SI: variants seen among roughly 807,000 people sequenced by gnomAD.
The protein encoded by SI is sucrase-isomaltase.
A neutral mutation model predicts 253.3 loss-of-function variants in SI; 235 were observed. That is an observed-to-expected ratio of 0.93 (90% CI 0.83 to 1.03). The LOEUF is 1.03. Ranked by LOEUF, SI falls within the 50% of genes least tolerant of loss-of-function variation. The pLI is 0.00. For missense variants in SI, 2,442 were observed against 2,211.1 expected (o/e 1.10, Z -2.09); for synonymous variants, 819 against 712.0 (o/e 1.15, Z -2.39).
At chr3:165,013,083 T>G in intron 33 of SI, 41 bp from the exon 34 acceptor site, 1 of 1,253,972 alleles carries the variant, frequency 8.0e-7, no homozygotes. Flanking sequence ...CAAAACATAG[T>G]CAGCATGATA....
At chr3:165,080,156 C>T (rs984490667), upstream of SI, among the ~76,000 whole-genome samples, 1 of 151,954 alleles carries the variant, frequency 6.6e-6, no homozygotes, top group Non-Finnish European at 1.5e-5. Flanking sequence ...ATTTATGCAA[C>T]AACATTGATA....
rs111665469 is a variant in SI at position 165,039,267 on chromosome 3, A to C, written c.2245-133T>G. On this transcript the variant is annotated intron_variant, in intron 19 of 47. Coordinates refer to ENST00000264382, the MANE Select transcript of SI (RefSeq NM_001041.4). ...TACACTCCAATATTTCCTATAGATA[A>C]TAATCAAAGGGCTATTTTATTAGCT... 253 of 630,646 alleles carry C rather than the reference A, an allele frequency of 4.0e-4. No individual in the cohort carries two copies. In the African/African-American group the frequency reaches 4.3e-3, roughly 11 times the overall value. 39.1% of individuals were successfully genotyped at this position (630,646 alleles called of 1,614,324 possible). A position where few individuals can be genotyped will look rare whatever the true frequency, so the allele number is the denominator to read the frequency against.
chr3:165,061,844 C>T (rs1451190831), intron 9 of SI, among the ~76,000 whole-genome samples: 2 of 151,922 alleles, frequency 1.3e-5, no homozygotes, highest in African/African-American at 4.8e-5. Context: ...TAGATAGTAA[C>T]TGGAGATGTA....
chr3:165,024,734 C>G (rs1478699945), intron 25 of SI, among the ~76,000 whole-genome samples: 1 of 151,112 alleles, frequency 6.6e-6, no homozygotes, highest in Non-Finnish European at 1.5e-5. Context: ...TTATTTTTCT[C>G]ATTTTTTTAG....
chr3:165,080,502 C>A (rs959069639), upstream of SI, among the ~76,000 whole-genome samples: 8 of 151,942 alleles, frequency 5.3e-5, no homozygotes, highest in Non-Finnish European at 1.2e-4. Flanking sequence ...GGAACCAACC[C>A]AAATGTCCAT....
Position 165,059,193 on chromosome 3 carries a change from T to C in SI, c.1253A>G (p.His418Arg). The C allele has an allele frequency of 6.2e-7, 1 of 1,612,774 alleles. No individual in the cohort carries two copies. Among genetic ancestry groups the C allele is most frequent in the East Asian group, 2.2e-5 (1 of 44,714 alleles). ...LPQFVQDLHD[H>R]GQKYVIILDP... ...CAAGATGATGACATATTTCTGTCCA[T>C]GGTCATGCAAATCTTGCACAAATTG... The change falls in exon 11 of 48, where the codon CAT becomes CGT. Residue 418 changes from histidine (H) to arginine (R), a missense_variant. Transcript: ENST00000264382.
Position 164,998,688 on chromosome 3 carries a change from A to C in SI, c.4407-15T>G, listed in dbSNP as rs769801101. ...TCTGCAATGCACTAATATAGTAGAG[A>C]AGTATTTTTGAGTTTTTACATGAGA... On this transcript the variant is annotated splice_polypyrimidine_tract_variant and intron_variant, in intron 37 of 47. Transcript: ENST00000264382. The C allele has an allele frequency of 1.9e-6, 3 of 1,607,300 alleles. No individual in the cohort carries two copies. In the African/African-American group the frequency reaches 4.0e-5, roughly 21 times the overall value.
intron 24 of SI, among the ~76,000 whole-genome samples, chr3:165,031,635 T>A (rs2108204262): frequency 6.7e-6 from 1 of 150,090 alleles, no homozygotes; most frequent in Admixed American, 6.7e-5. Flanking sequence ...GGGCCAGAGG[T>A]CTTATGAGTT....
chr3:165,029,331 G>A (rs965784164), intron 25 of SI, among the ~76,000 whole-genome samples: 4 of 150,682 alleles, frequency 2.7e-5, no homozygotes, highest in Admixed American at 1.3e-4. Flanking sequence ...CACTGATAGT[G>A]GGAATGTAAA....
intron 32 of SI, 115 bp from the exon 33 acceptor site, chr3:165,015,348 A>T (rs2108171220): frequency 1.4e-6 from 1 of 736,204 alleles, no homozygotes; most frequent in South Asian, 1.5e-5. Flanking sequence ...GTGCTCTCAC[A>T]TTAAATGACA....
At chr3:164,996,322 T>G (rs1718005647) in intron 40 of SI, among the ~76,000 whole-genome samples, 1 of 151,814 alleles carries the variant, frequency 6.6e-6, no homozygotes, top group African/African-American at 2.4e-5. Context: ...AGTGCTTATT[T>G]AGATATTGGC....
In SI at chr3:164,995,325, A is replaced by G. The variant is rs759454755; in HGVS notation, c.4693-920T>C. On this transcript the variant is annotated intron_variant, in intron 40 of 47. Coordinates refer to ENST00000264382, the MANE Select transcript of SI (RefSeq NM_001041.4). ...GAACTGTTAAGCTGTATGTAATCCTATTGCTGGTATTTCCAAAGTTAAATA... is the reference window on the plus strand; with the variant it reads ...GAACTGTTAAGCTGTATGTAATCCTGTTGCTGGTATTTCCAAAGTTAAATA... Among the ~76,000 whole-genome samples, 7 of 151,716 alleles carry G rather than the reference A, an allele frequency of 4.6e-5. No individual in the cohort carries two copies. The East Asian group carries it at 5.8e-4, about 13-fold the overall frequency.
At chr3:165,031,400 A>G (rs1712236330) in intron 24 of SI, among the ~76,000 whole-genome samples, 1 of 148,428 alleles carries the variant, frequency 6.7e-6, no homozygotes, top group Non-Finnish European at 1.5e-5. Flanking sequence ...ACATACAAAT[A>G]GCCACAGATA....
At chr3:164,992,525 A>C in intron 41 of SI, 128 bp from the exon 42 acceptor site, 1 of 662,954 alleles carries the variant, frequency 1.5e-6, no homozygotes, top group Admixed American at 2.9e-5. Flanking sequence ...AAAACTGTAA[A>C]AAAATTAAAA....
At chr3:164,989,352 AGAAGAAAGAAAGAAAGAAAG>A (rs1261732927) in intron 44 of SI, among the ~76,000 whole-genome samples, 287 of 143,316 alleles carry the variant, frequency 2.0e-3, no homozygotes, top group African/African-American at 7.3e-3. Context: ...AAAGAGAGAA[AGAAGAAAGAAAGAAAGAAAG>A]GAAGAAAGAA....
chr3:165,023,090 G>A (rs1328257888), intron 26 of SI, among the ~76,000 whole-genome samples: 1 of 151,416 alleles, frequency 6.6e-6, no homozygotes, highest in Non-Finnish European at 1.5e-5. Flanking sequence ...TTTACATCTA[G>A]TTATTTTGTT....
chr3:165,031,395 C>G (rs1466011984), intron 24 of SI, among the ~76,000 whole-genome samples: 2 of 147,818 alleles, frequency 1.4e-5, no homozygotes, highest in African/African-American at 4.9e-5. Flanking sequence ...AGTGGACATA[C>G]AAATAGCCAC....
Position 165,059,235 on chromosome 3 carries a change from G to A in SI, c.1211C>T (p.Ala404Val), listed in dbSNP as rs202151060. ...DKKDFTYDQVAFNGLPQFVQD... is the reference protein window; with the variant it reads ...DKKDFTYDQVVFNGLPQFVQD... ...CACAAATTGAGGGAGTCCGTTAAAC[G>A]CAACTTGATCATAAGTAAAGTCTTT... The change falls in exon 11 of 48, where the codon GCG (alanine) becomes GTG (valine). Residue 404 changes from alanine to valine, a missense_variant. Coordinates refer to ENST00000264382, the MANE Select transcript of SI (RefSeq NM_001041.4). 26 of 1,612,482 alleles carry A rather than the reference G, an allele frequency of 1.6e-5. No homozygotes were observed. The South Asian group carries it at 2.2e-4, about 14-fold the overall frequency.
chr3:165,006,175 C>T (rs1718500291), intron 37 of SI, among the ~76,000 whole-genome samples: 1 of 152,158 alleles, frequency 6.6e-6, no homozygotes, highest in Admixed American at 6.5e-5. Context: ...ATGGCACAAT[C>T]TTGGCTCACT....
Sources: gnomAD v4.1 joint callset for allele counts (sites outside exome capture counted in the v4.1 genomes callset) on GRCh38, gnomAD v4.1.1 for gene constraint, MANE v1.5 for transcripts, NCBI Gene and HGNC (gene_info 2026-07-23, HGNC 2026-07-21) for gene names.